The following NUBPL variants were observed in gnomAD, a reference collection of about 807,000 sequenced individuals.
NUBPL encodes the protein NUBP iron-sulfur cluster assembly factor, mitochondrial.
Under a neutral mutation model 45.7 loss-of-function variants are expected in NUBPL, and 31 were observed. The ratio of observed to expected loss-of-function variants is 0.68; its 90% CI spans 0.51 to 0.92. The LOEUF (loss-of-function observed/expected upper bound fraction) is 0.92. NUBPL is among the 40% of genes least tolerant of loss of function. The pLI is 0.00. For synonymous variants in NUBPL, 144 were observed against 140.9 expected, an observed-to-expected ratio of 1.02 and a Z score of -0.15; for missense variants, 401 against 398.7, an observed-to-expected ratio of 1.01 and a Z score of -0.05.
intron 6 of NUBPL, among the ~76,000 whole-genome samples, chr14:31,750,967 C>T (rs542654661): frequency 2.3e-4 from 35 of 152,258 alleles, no homozygotes; most frequent in African/African-American, 8.2e-4. Flanking sequence ...AGAACTTCTT[C>T]ACATGGTGGC....
chr14:31,823,155 C>T (rs1352987428), intron 7 of NUBPL, among the ~76,000 whole-genome samples: 1 of 152,040 alleles, frequency 6.6e-6, no homozygotes, highest in East Asian at 1.9e-4. Flanking sequence ...GAGCTCTTGA[C>T]TCCTAGTTCA....
chr14:31,674,893 T>C (rs1395588044), intron 6 of NUBPL, among the ~76,000 whole-genome samples: 3 of 152,058 alleles, frequency 2.0e-5, no homozygotes, highest in African/African-American at 7.2e-5. Flanking sequence ...TCCCAGCACT[T>C]TGGGAGGCCG....
At chr14:31,599,478 A>G (rs1184044765) in intron 4 of NUBPL, 99 bp downstream of exon 4, 1 of 833,454 alleles carries the variant, frequency 1.2e-6, no homozygotes, top group Non-Finnish European at 2.0e-6. Context: ...TATTTTATGC[A>G]CAATGTAGTG....
chr14:31,784,761 A>G (rs1037290979), intron 6 of NUBPL, among the ~76,000 whole-genome samples: 1 of 152,190 alleles, frequency 6.6e-6, no homozygotes, highest in Non-Finnish European at 1.5e-5. Context: ...GTATGTCATT[A>G]TGTCAATATC....
At chr14:31,703,952 T>G (rs1334922349) in intron 6 of NUBPL, among the ~76,000 whole-genome samples, 1 of 152,228 alleles carries the variant, frequency 6.6e-6, no homozygotes, top group Non-Finnish European at 1.5e-5. Flanking sequence ...ATGATAATTG[T>G]CCAGCCACCA....
chr14:31,638,453 G>T (rs995460502), intron 4 of NUBPL, among the ~76,000 whole-genome samples: 1 of 151,880 alleles, frequency 6.6e-6, no homozygotes, highest in African/African-American at 2.4e-5. Flanking sequence ...TCTGCCGAGA[G>T]ATCCGCTGTT....
At chr14:31,826,987 A>C (rs889676692) in intron 8 of NUBPL, among the ~76,000 whole-genome samples, 2 of 152,230 alleles carry the variant, frequency 1.3e-5, no homozygotes, top group African/African-American at 4.8e-5. Flanking sequence ...ACTGACAAAA[A>C]AAATTACAAG....
chr14:31,775,211 A>G (rs2138777500), intron 6 of NUBPL, among the ~76,000 whole-genome samples: 1 of 152,280 alleles, frequency 6.6e-6, no homozygotes, highest in Admixed American at 6.5e-5. Flanking sequence ...TAAGGTCAGG[A>G]GTTCAAGACC....
At chr14:31,666,068 A>G (rs1284451211) in intron 4 of NUBPL, among the ~76,000 whole-genome samples, 2 of 146,538 alleles carry the variant, frequency 1.4e-5, no homozygotes, top group Non-Finnish European at 3.0e-5. Context: ...TTTTCTTTCC[A>G]TTTGCCTGGT....
chr14:31,783,245 G>A (rs1322707401), intron 6 of NUBPL, among the ~76,000 whole-genome samples: 1 of 152,128 alleles, frequency 6.6e-6, no homozygotes, highest in Non-Finnish European at 1.5e-5. Flanking sequence ...ATCCTGCCAT[G>A]GGGTATGCCA....
chr14:31,704,884 T>C (rs1488586994), intron 6 of NUBPL, among the ~76,000 whole-genome samples: 1 of 152,184 alleles, frequency 6.6e-6, no homozygotes. Flanking sequence ...ACCCTTGTGC[T>C]GAGTGTTACA....
At chr14:31,808,331 T>C (rs1375915034) in intron 7 of NUBPL, among the ~76,000 whole-genome samples, 1 of 152,178 alleles carries the variant, frequency 6.6e-6, no homozygotes, top group Non-Finnish European at 1.5e-5. Context: ...CTTGAAGAGG[T>C]CCTTCACATC....
intron 8 of NUBPL, among the ~76,000 whole-genome samples, chr14:31,830,068 A>T (rs186594514): frequency 6.6e-6 from 1 of 152,254 alleles, no homozygotes; most frequent in East Asian, 1.9e-4. Context: ...TTCTGATGTC[A>T]AAGGGATTTC....
chr14:31,817,595 CA>C (rs1433105624), intron 7 of NUBPL, among the ~76,000 whole-genome samples: 2 of 151,932 alleles, frequency 1.3e-5, no homozygotes, highest in Admixed American at 6.6e-5. Context: ...ATAAGCAAAG[CA>C]AAAGAGAAAT....
chr14:31,630,647 T>C (rs1409116414), intron 4 of NUBPL, among the ~76,000 whole-genome samples: 2 of 152,182 alleles, frequency 1.3e-5, no homozygotes, highest in Admixed American at 6.5e-5. Context: ...GGAATCAGTT[T>C]GGTTATTTTG....
intron 7 of NUBPL, among the ~76,000 whole-genome samples, chr14:31,825,717 C>T (rs1387058627): frequency 6.9e-6 from 1 of 145,404 alleles, no homozygotes; most frequent in Non-Finnish European, 1.5e-5. Context: ...TCCTCTTTTT[C>T]CTCTCCTTCA....
At chr14:31,673,333 A>G in intron 4 of NUBPL, 22 bp from the exon 5 acceptor site, 1 of 1,511,714 alleles carries the variant, frequency 6.6e-7, no homozygotes, top group South Asian at 1.2e-5. Context: ...GTTCTAAAAG[A>G]GAGGATTTTT....
At chr14:31,817,512 G>T (rs1237570988) in intron 7 of NUBPL, among the ~76,000 whole-genome samples, 1 of 152,172 alleles carries the variant, frequency 6.6e-6, no homozygotes, top group Admixed American at 6.5e-5. Context: ...GAAGAGAGTA[G>T]TAGCCAATAC....
intron 6 of NUBPL, among the ~76,000 whole-genome samples, chr14:31,683,067 G>A (rs147583862): frequency 4.6e-4 from 66 of 143,648 alleles, no homozygotes; most frequent in Non-Finnish European, 7.4e-4. Flanking sequence ...CTAATAGAGT[G>A]AGAACTCTCA....
Sources: allele counts gnomAD v4.1 joint callset (sites outside exome capture counted in the v4.1 genomes callset), GRCh38; gene constraint gnomAD v4.1.1; transcripts MANE v1.5; gene names NCBI Gene and HGNC (gene_info 2026-07-23, HGNC 2026-07-21).